PTBP3: variants seen among roughly 807,000 people sequenced by gnomAD.
The protein encoded by PTBP3 is polypyrimidine tract binding protein 3.
A neutral mutation model predicts 58.7 loss-of-function variants in PTBP3; 20 were observed. The ratio of observed to expected loss-of-function variants is 0.34; its 90% CI spans 0.24 to 0.50. The LOEUF (loss-of-function observed/expected upper bound fraction) is 0.50, where lower values mean the gene tolerates loss of function less well. Among genes scored for constraint, PTBP3 ranks in the 20% least tolerant of loss-of-function variants. The pLI, the probability that PTBP3 is intolerant of heterozygous loss-of-function variation, is 0.98. For synonymous variants in PTBP3, 185 were observed against 219.8 expected, an observed-to-expected ratio of 0.84 and a Z score of 1.40; for missense variants, 509 against 637.2, an observed-to-expected ratio of 0.80 and a Z score of 2.17.
At chr9:112,313,441 C>T (rs1829569192) in intron 1 of PTBP3, among the ~76,000 whole-genome samples, 1 of 152,110 alleles carries the variant, frequency 6.6e-6, no homozygotes, top group African/African-American at 2.4e-5. Context: ...ATTGTTTATC[C>T]ATGCCTGGAT....
At chr9:112,283,106 C>T (rs774892591) in intron 2 of PTBP3, among the ~76,000 whole-genome samples, 23 of 152,172 alleles carry the variant, frequency 1.5e-4, no homozygotes, top group Non-Finnish European at 2.4e-4. Context: ...TCAATTAAAC[C>T]TCTTTTCTTT....
the PTBP3 span, among the ~76,000 whole-genome samples, chr9:112,345,380 A>ATT: frequency 4.3e-4 from 49 of 113,972 alleles, no homozygotes; most frequent in Admixed American, 6.8e-4. Context: ...AGGAAAAAAA[A>ATT]TTTTTTTTTT....
At chr9:112,297,604 A>C (rs1351052144) in intron 2 of PTBP3, among the ~76,000 whole-genome samples, 1 of 152,238 alleles carries the variant, frequency 6.6e-6, no homozygotes, top group South Asian at 2.1e-4. Flanking sequence ...AAAGAACATC[A>C]ATCAAAAAAC....
At position 112,251,765 on chromosome 9, in the gene PTBP3, T is replaced by C. The variant is rs538522458; in HGVS notation, c.628-662A>G. ...TCACAAATGCTTGAATTTATAAAAA[T>C]AGATACCAGAAAGCAAATCACATAA... is the stretch of plus-strand genomic sequence containing the variant. On this transcript the variant is annotated intron_variant, in intron 6 of 13. Coordinates refer to ENST00000374257, the MANE Select transcript of PTBP3 (RefSeq NM_001163788.4). 2.0e-5 allele frequency among the ~76,000 whole-genome samples: 3 copies of C among 152,264 alleles called. No individual in the cohort carries two copies. The South Asian group carries it at 6.2e-4, about 32-fold the overall frequency.
Position 112,220,734 on chromosome 9 carries a change from TA to T in PTBP3, c.*3116del. 1 of 983,636 alleles carries T rather than the reference TA, an allele frequency of 1.0e-6. No homozygotes were observed. The highest frequency in any genetic ancestry group is 1.2e-6 in the Non-Finnish European group (1 of 828,138). The allele number at this position is 983,636 out of a possible 1,614,324, so 60.9% of individuals were successfully genotyped here. Reference sequence around the variant, plus strand: ...AAACACATTTTACTGCTATGCAAATTATTCAAATCTCAAAGTAAATCATTTT... The same window carrying T: ...AAACACATTTTACTGCTATGCAAATTTTCAAATCTCAAAGTAAATCATTTT... On this transcript the variant is annotated 3_prime_UTR_variant, in exon 14 of 14. Transcript: ENST00000374257.
At chr9:112,289,341 T>C (rs1175059863) in intron 2 of PTBP3, among the ~76,000 whole-genome samples, 1 of 152,182 alleles carries the variant, frequency 6.6e-6, no homozygotes, top group African/African-American at 2.4e-5. Context: ...TATATCATCT[T>C]TGCAGCCAAA....
At chr9:112,268,873 C>T (rs764054322) in intron 3 of PTBP3, among the ~76,000 whole-genome samples, 4 of 151,966 alleles carry the variant, frequency 2.6e-5, no homozygotes, top group Non-Finnish European at 5.9e-5. Context: ...ATGCTTTCAG[C>T]GGCTGTGATT....
At chr9:112,265,658 T>C (rs184721873) in intron 4 of PTBP3, among the ~76,000 whole-genome samples, 23 of 152,184 alleles carry the variant, frequency 1.5e-4, no homozygotes, top group Admixed American at 1.1e-3. Flanking sequence ...AGCACACACA[T>C]GAGGGTAGAA....
chr9:112,279,673 A>T (rs910938761), intron 2 of PTBP3, among the ~76,000 whole-genome samples: 4 of 152,104 alleles, frequency 2.6e-5, no homozygotes, highest in African/African-American at 9.7e-5. Context: ...GGCAATCTGA[A>T]CCCTACAGAT....
chr9:112,225,363 T>C (rs1221094520), intron 12 of PTBP3, among the ~76,000 whole-genome samples: 1 of 152,180 alleles, frequency 6.6e-6, no homozygotes, highest in Non-Finnish European at 1.5e-5. Context: ...TGGATAATAA[T>C]GCCAACAACA....
At chr9:112,329,271 G>A (rs1035614043) in intron 1 of PTBP3, among the ~76,000 whole-genome samples, 10 of 152,040 alleles carry the variant, frequency 6.6e-5, no homozygotes, top group African/African-American at 2.4e-4. Context: ...AAATTAGCCA[G>A]GCATGGTGGC....
At chr9:112,284,898 G>A (rs889564104) in intron 2 of PTBP3, among the ~76,000 whole-genome samples, 3 of 152,110 alleles carry the variant, frequency 2.0e-5, no homozygotes, top group Admixed American at 1.3e-4. Context: ...GATTTTATAG[G>A]CTCATAGGCA....
At chr9:112,300,153 G>A (rs921180633) in intron 1 of PTBP3, among the ~76,000 whole-genome samples, 21 of 152,182 alleles carry the variant, frequency 1.4e-4, no homozygotes, top group African/African-American at 5.1e-4. Flanking sequence ...ATAATTTAGT[G>A]AGAGTGTAAA....
chr9:112,337,263 C>T (rs1830584156), upstream of PTBP3, among the ~76,000 whole-genome samples: 1 of 152,172 alleles, frequency 6.6e-6, no homozygotes, highest in African/African-American at 2.4e-5. Context: ...CTCCTGGCCT[C>T]AAGTGATCTG....
Position 112,219,431 on chromosome 9 carries a change from A to G in PTBP3, c.*4420T>C, listed in dbSNP as rs1834730999. 1 of 152,404 alleles carries G rather than the reference A, an allele frequency of 6.6e-6. No individual in the cohort carries two copies. Among genetic ancestry groups the G allele is most frequent in the South Asian group, 2.1e-4 (1 of 4,830 alleles). 9.4% of individuals were successfully genotyped at this position (152,404 alleles called of 1,614,324 possible). A position where few individuals can be genotyped will look rare whatever the true frequency, so the allele number is the denominator to read the frequency against. On this transcript the variant is annotated 3_prime_UTR_variant, in exon 14 of 14. Transcript: ENST00000374257. ...ATCAGTTGACAATGCTGATTTAAGC[A>G]TGCCATAGGCATCTTTCAATTATGA... is the stretch of plus-strand genomic sequence containing the variant.
intron 1 of PTBP3, among the ~76,000 whole-genome samples, chr9:112,304,658 C>G (rs1829090913): frequency 6.6e-6 from 1 of 152,186 alleles, no homozygotes; most frequent in Non-Finnish European, 1.5e-5. Context: ...CCTCAACCTT[C>G]CAGGTCAAGC....
the PTBP3 span, among the ~76,000 whole-genome samples, chr9:112,354,359 C>T: frequency 6.6e-6 from 1 of 152,182 alleles, no homozygotes; most frequent in East Asian, 1.9e-4. Flanking sequence ...CCACAGGGCA[C>T]TGGCAAATGT....
chr9:112,230,512 A>G (rs1835159500), intron 10 of PTBP3, among the ~76,000 whole-genome samples: 1 of 152,198 alleles, frequency 6.6e-6, no homozygotes, highest in African/African-American at 2.4e-5. Flanking sequence ...AAATTGGTGG[A>G]TTACATGAAA....
chr9:112,357,311 T>C, the PTBP3 span, among the ~76,000 whole-genome samples: 1 of 152,172 alleles, frequency 6.6e-6, no homozygotes, highest in African/African-American at 2.4e-5. Context: ...AATTTGTTAA[T>C]TTCCAGTAGT....
Sources: gnomAD v4.1 joint callset for allele counts (sites outside exome capture counted in the v4.1 genomes callset) on GRCh38, gnomAD v4.1.1 for gene constraint, MANE v1.5 for transcripts, NCBI Gene and HGNC (gene_info 2026-07-23, HGNC 2026-07-21) for gene names.